Variants in ZNF423 observed in about 807,000 individuals in gnomAD.
ZNF423 encodes zinc finger protein 423.
Under a neutral mutation model 95.8 loss-of-function variants are expected in ZNF423, and 12 were observed. The observed-to-expected ratio is 0.13, with a 90% confidence interval of 0.08 to 0.20. The LOEUF (loss-of-function observed/expected upper bound fraction) is 0.20. ZNF423 is among the 10% of genes least tolerant of loss of function. The pLI is 1.00. For synonymous variants in ZNF423, 749 were observed against 711.9 expected, an observed-to-expected ratio of 1.05 and a Z score of -0.83; for missense variants, 1,316 against 1,737.1, an observed-to-expected ratio of 0.76 and a Z score of 4.31.
At chr16:49,725,887 C>A (rs1404736707) in intron 3 of ZNF423, among the ~76,000 whole-genome samples, 5 of 152,206 alleles carry the variant, frequency 3.3e-5, no homozygotes, top group African/African-American at 7.2e-5. Context: ...AGGAGCCTGG[C>A]CCAACTCAGA....
chr16:49,557,656 G>C (rs1052531253), intron 5 of ZNF423, among the ~76,000 whole-genome samples: 1 of 152,192 alleles, frequency 6.6e-6, no homozygotes, highest in South Asian at 2.1e-4. Context: ...CCAGGTGATG[G>C]GGCGGTTTGG....
chr16:49,732,425 C>T (rs2143407538), intron 2 of ZNF423, among the ~76,000 whole-genome samples: 1 of 152,308 alleles, frequency 6.6e-6, no homozygotes, highest in Middle Eastern at 3.4e-3. Flanking sequence ...TGTGTGTTGT[C>T]TCTTCCCACA....
chr16:49,694,122 C>A (rs1417058393), intron 3 of ZNF423, among the ~76,000 whole-genome samples: 2 of 152,118 alleles, frequency 1.3e-5, no homozygotes, highest in Non-Finnish European at 2.9e-5. Flanking sequence ...TTTCTATGGA[C>A]CCCTATTATT....
chr16:49,488,207 G>T lies in ZNF423; in HGVS notation c.*3068C>A, dbSNP rs895469087. ...ACACCTTAGGAGGGAAGAAAAACAG[G>T]TGAAAAGTTCAATATTACACAACTG... On this transcript the variant is annotated 3_prime_UTR_variant, in exon 8 of 8. Transcript: ENST00000563137. 1 of 152,244 alleles carries T rather than the reference G, an allele frequency of 6.6e-6. No individual in the cohort carries two copies. The highest frequency in any genetic ancestry group is 2.4e-5 in the African/African-American group (1 of 41,456). 9.4% of individuals were successfully genotyped at this position (152,244 alleles called of 1,614,324 possible). A position where few individuals can be genotyped will look rare whatever the true frequency, so the allele number is the denominator to read the frequency against.
chr16:49,645,784 T>A (rs1419225726), intron 3 of ZNF423, among the ~76,000 whole-genome samples: 1 of 152,216 alleles, frequency 6.6e-6, no homozygotes, highest in African/African-American at 2.4e-5. Flanking sequence ...GTTTCCCCCA[T>A]GCTATTCTAG....
At chr16:49,602,155 G>A (rs1374884306) in intron 5 of ZNF423, among the ~76,000 whole-genome samples, 1 of 152,220 alleles carries the variant, frequency 6.6e-6, no homozygotes, top group Non-Finnish European at 1.5e-5. Flanking sequence ...TGACTCCCTG[G>A]AAGCCCCGAA....
intron 1 of ZNF423, among the ~76,000 whole-genome samples, chr16:49,809,939 C>G (rs1292945934): frequency 6.6e-6 from 1 of 151,488 alleles, no homozygotes; most frequent in East Asian, 2.0e-4. Context: ...CTGCGCCCAC[C>G]CATTTTTTCC....
chr16:49,854,067 G>A, intron 1 of ZNF423: 1 of 985,332 alleles, frequency 1.0e-6, no homozygotes, highest in Non-Finnish European at 1.2e-6. Flanking sequence ...CCTTCCATCA[G>A]CAAAAGAGAA....
chr16:49,699,884 T>C (rs561325494), intron 3 of ZNF423, among the ~76,000 whole-genome samples: 5 of 151,906 alleles, frequency 3.3e-5, no homozygotes, highest in Non-Finnish European at 7.4e-5. Flanking sequence ...AGGGCCAAAG[T>C]CTCCAAGAGG....
At chr16:49,776,326 C>G (rs988377246) in intron 2 of ZNF423, among the ~76,000 whole-genome samples, 2 of 152,138 alleles carry the variant, frequency 1.3e-5, no homozygotes, top group Non-Finnish European at 2.9e-5. Context: ...GGTGGGGAGG[C>G]GATGCCCTGC....
chr16:49,850,511 C>T (rs1449761469), intron 1 of ZNF423, among the ~76,000 whole-genome samples: 1 of 152,186 alleles, frequency 6.6e-6, no homozygotes, highest in African/African-American at 2.4e-5. Context: ...TACGAAGGAA[C>T]CCTGATATCT....
At chr16:49,679,327 G>A (rs1309901255) in intron 3 of ZNF423, among the ~76,000 whole-genome samples, 1 of 152,182 alleles carries the variant, frequency 6.6e-6, no homozygotes, top group Non-Finnish European at 1.5e-5. Context: ...CTTCCAAGTT[G>A]GCAGGGTGGG....
chr16:49,543,797 C>T (rs62030971), intron 5 of ZNF423, among the ~76,000 whole-genome samples: 19 of 152,050 alleles, frequency 1.2e-4, no homozygotes, highest in South Asian at 4.4e-4. Flanking sequence ...CAGCTCCAGA[C>T]GCAAGCCGGA....
chr16:49,576,288 G>A (rs921422303), intron 5 of ZNF423, among the ~76,000 whole-genome samples: 1 of 152,210 alleles, frequency 6.6e-6, no homozygotes, highest in African/African-American at 2.4e-5. Context: ...GCAGCTGACT[G>A]GGGTGCCTGG....
At chr16:49,518,299 C>A in intron 7 of ZNF423, 1 of 393,126 alleles carries the variant, frequency 2.5e-6, no homozygotes, top group Non-Finnish European at 4.9e-6. Context: ...TATTGTATAT[C>A]AAAGTCTGTC....
chr16:49,656,206 G>A (rs548233146), intron 3 of ZNF423, among the ~76,000 whole-genome samples: 16 of 152,258 alleles, frequency 1.1e-4, no homozygotes, highest in African/African-American at 3.4e-4. Context: ...CTCTCAATGC[G>A]AATAAAGAAT....
intron 1 of ZNF423, among the ~76,000 whole-genome samples, chr16:49,794,442 G>A (rs1322444749): frequency 6.6e-6 from 1 of 152,102 alleles, no homozygotes; most frequent in Admixed American, 6.5e-5. Context: ...AATGGCCACA[G>A]GCATTTTGCA....
At chr16:49,497,981 G>A (rs1424825566) in intron 7 of ZNF423, among the ~76,000 whole-genome samples, 1 of 152,184 alleles carries the variant, frequency 6.6e-6, no homozygotes, top group African/African-American at 2.4e-5. Flanking sequence ...GAAGAAGCTG[G>A]CCTTTTAGCT....
Position 49,601,619 on chromosome 16 carries a change from G to A in ZNF423, c.3601+24551C>T, listed in dbSNP as rs953692656. The stretch of plus-strand genomic sequence containing the variant: ...CAGGCTGGAGTCCAGGCTGTGGCTC[G>A]TTCACATAAAAGGCAGCCCTCTCTG... On this transcript the variant is annotated intron_variant, in intron 5 of 7. Coordinates refer to ENST00000563137, the MANE Select transcript of ZNF423 (RefSeq NM_001379286.1). Among the ~76,000 whole-genome samples, 13 of 152,260 alleles carry A rather than the reference G, an allele frequency of 8.5e-5. No individual in the cohort carries two copies. In the East Asian group the frequency reaches 1.4e-3, roughly 16 times the overall value.
Sources: gnomAD v4.1 joint callset for allele counts (sites outside exome capture counted in the v4.1 genomes callset) on GRCh38, gnomAD v4.1.1 for gene constraint, MANE v1.5 for transcripts, NCBI Gene and HGNC (gene_info 2026-07-23, HGNC 2026-07-21) for gene names.